ECT2: variants seen among roughly 807,000 people sequenced by gnomAD.
ECT2 encodes protein ECT2.
ECT2 carries 61 observed loss-of-function variants against 116.9 expected under a neutral mutation model. The ratio of observed to expected loss-of-function variants is 0.52; its 90% CI spans 0.42 to 0.65. ECT2 has a LOEUF of 0.65. Ranked by LOEUF, ECT2 falls within the 30% of genes least tolerant of loss-of-function variation. The pLI is 0.00. For synonymous variants in ECT2, 358 were observed against 346.4 expected, an observed-to-expected ratio of 1.03 and a Z score of -0.37; for missense variants, 937 against 1,078.7, an observed-to-expected ratio of 0.87 and a Z score of 1.84.
chr3:172,781,019 A>AT (rs1257917039), intron 14 of ECT2, among the ~76,000 whole-genome samples: 1 of 151,866 alleles, frequency 6.6e-6, no homozygotes, highest in Non-Finnish European at 1.5e-5. Context: ...ATATCTAAAA[A>AT]TTTTTTTTCT....
intron 15 of ECT2, 131 bp downstream of exon 15, chr3:172,782,362 C>T (rs73880276): frequency 0.025 from 11,702 of 460,428 alleles, 1,173 homozygotes; most frequent in African/African-American, 0.21. Context: ...TTATAAAATA[C>T]ATTGGAAATG....
chr3:172,782,685 C>A (rs1722914569), intron 15 of ECT2, among the ~76,000 whole-genome samples: 1 of 152,144 alleles, frequency 6.6e-6, no homozygotes, highest in African/African-American at 2.4e-5. Context: ...CCTCTCCTTC[C>A]TCCTACCCTC....
chr3:172,788,447 C>T (rs1724005932), intron 18 of ECT2, among the ~76,000 whole-genome samples: 1 of 152,146 alleles, frequency 6.6e-6, no homozygotes, highest in South Asian at 2.1e-4. Context: ...GAAACCATCA[C>T]CACAATCAAG....
At chr3:172,773,703 A>G (rs910453616) in intron 13 of ECT2, among the ~76,000 whole-genome samples, 200 bp from the exon 14 acceptor site, 7 of 152,324 alleles carry the variant, frequency 4.6e-5, no homozygotes, top group African/African-American at 1.7e-4. Flanking sequence ...GAGCATATGT[A>G]TATACATATA....
At chr3:172,806,190 T>G (rs1444537146) in intron 21 of ECT2, 1 of 175,864 alleles carries the variant, frequency 5.7e-6, no homozygotes, top group Non-Finnish European at 1.2e-5. Flanking sequence ...TTTTTTTGGT[T>G]CCTTCAGAAT....
At chr3:172,765,664 G>A (rs940328534) in intron 12 of ECT2, among the ~76,000 whole-genome samples, 1 of 152,080 alleles carries the variant, frequency 6.6e-6, no homozygotes, top group Admixed American at 6.5e-5. Flanking sequence ...GCAACACTTA[G>A]AAAAATCTTT....
At chr3:172,824,726 CT>C (rs894294287), downstream of ECT2, among the ~76,000 whole-genome samples, 2 of 152,132 alleles carry the variant, frequency 1.3e-5, no homozygotes, top group Non-Finnish European at 2.9e-5. Flanking sequence ...TTCTTCATTT[CT>C]TTTTACAATT....
chr3:172,829,215 C>A, the ECT2 span: 3 of 342,016 alleles, frequency 8.8e-6, no homozygotes, highest in Non-Finnish European at 1.6e-5. Context: ...CGGCGCCCAG[C>A]CAAAAATTGG....
chr3:172,800,823 A>G (rs1277580006), intron 18 of ECT2, among the ~76,000 whole-genome samples: 1 of 152,066 alleles, frequency 6.6e-6, no homozygotes. Context: ...CTTATATATC[A>G]CATACATTAT....
intron 10 of ECT2, 35 bp from the exon 11 acceptor site, chr3:172,762,875 A>T (rs760287034): frequency 2.4e-5 from 39 of 1,611,234 alleles, no homozygotes; most frequent in Non-Finnish European, 3.2e-5. Flanking sequence ...AAATAAATGT[A>T]AACTGTTTAT....
chr3:172,762,813 A>G lies in ECT2; in HGVS notation c.1005+7A>G. 6.2e-7 allele frequency: 1 copy of G among 1,610,698 alleles called. No homozygotes were observed. The highest frequency in any genetic ancestry group is 8.5e-7 in the Non-Finnish European group (1 of 1,178,658). On this transcript the variant is annotated splice_region_variant and intron_variant, in intron 10 of 24. Coordinates refer to ENST00000392692, the MANE Select transcript of ECT2 (RefSeq NM_001258315.2). ...TTATGTTGTCAAGCAAGAGGCAAGT[A>G]ATTCTAGAATGAGGTTGGTTTTTAA... is the stretch of plus-strand genomic sequence containing the variant.
At chr3:172,818,906 A>T in intron 24 of ECT2, 1 of 1,060,866 alleles carries the variant, frequency 9.4e-7, no homozygotes, top group Admixed American at 4.5e-5. Context: ...GGTGGGTGGG[A>T]ACTTTGGAAT....
intron 18 of ECT2, among the ~76,000 whole-genome samples, chr3:172,795,694 A>G (rs1725515915): frequency 6.6e-6 from 1 of 152,196 alleles, no homozygotes. Flanking sequence ...AAATTTATGT[A>G]ACTGTAAATG....
intron 18 of ECT2, among the ~76,000 whole-genome samples, chr3:172,789,057 CAAAA>C (rs71162310): frequency 3.0e-5 from 3 of 99,554 alleles, no homozygotes; most frequent in Non-Finnish European, 3.8e-5. Context: ...GACTCTGTCT[CAAAA>C]AAAAAAAAAA....
At chr3:172,780,711 A>T (rs940516301) in intron 14 of ECT2, among the ~76,000 whole-genome samples, 9 of 152,300 alleles carry the variant, frequency 5.9e-5, no homozygotes, top group Middle Eastern at 3.4e-3. Context: ...ACATTCTTTA[A>T]AAACACTTAT....
chr3:172,786,636 C>G, intron 18 of ECT2, 62 bp downstream of exon 18: 7 of 1,125,762 alleles, frequency 6.2e-6, no homozygotes, highest in Non-Finnish European at 9.1e-6. Context: ...TGATAGAAAA[C>G]TAGAATCATA....
intron 24 of ECT2, chr3:172,818,768 A>G (rs1356524449): frequency 1.6e-6 from 2 of 1,281,100 alleles, no homozygotes; most frequent in Non-Finnish European, 1.0e-6. Flanking sequence ...GTGAAGAATT[A>G]GGAGATTTGC....
At chr3:172,780,460 CT>C (rs1405953269) in intron 14 of ECT2, among the ~76,000 whole-genome samples, 4 of 152,042 alleles carry the variant, frequency 2.6e-5, no homozygotes, top group Admixed American at 2.6e-4. Context: ...GAGTAGATAC[CT>C]AGGAGTAGCA....
At chr3:172,764,179 A>AATCC (rs1379899352) in intron 11 of ECT2, 99 bp from the exon 12 acceptor site, 4 of 1,077,520 alleles carry the variant, frequency 3.7e-6, no homozygotes, top group Non-Finnish European at 1.3e-6. Context: ...TATTGTGCAA[A>AATCC]ATCCAGATTC....
Sources: allele counts gnomAD v4.1 joint callset (sites outside exome capture counted in the v4.1 genomes callset), GRCh38; gene constraint gnomAD v4.1.1; transcripts MANE v1.5; gene names NCBI Gene and HGNC (gene_info 2026-07-23, HGNC 2026-07-21).